Variants in AMZ2 observed in about 807,000 individuals in gnomAD.
AMZ2 encodes the protein archaemetzincin-2.
A neutral mutation model predicts 36.7 loss-of-function variants in AMZ2; 26 were observed. That is an observed-to-expected ratio of 0.71 (90% CI 0.52 to 0.98). The LOEUF (loss-of-function observed/expected upper bound fraction) is 0.98, where lower values mean the gene tolerates loss of function less well. AMZ2 is among the 50% of genes least tolerant of loss of function. AMZ2 has a pLI of 0.00. For synonymous variants in AMZ2, 144 were observed against 149.1 expected (o/e 0.97, Z 0.25); for missense variants, 394 against 430.5 (o/e 0.92, Z 0.75).
At chr17:68,208,434 C>T (rs1371461754) in intron 1 of AMZ2, among the ~76,000 whole-genome samples, 1 of 152,204 alleles carries the variant, frequency 6.6e-6, no homozygotes, top group Non-Finnish European at 1.5e-5. Context: ...CAATCTGTAT[C>T]TAGCTAATCT....
chr17:68,220,060 C>T (rs564928346), intron 1 of AMZ2, among the ~76,000 whole-genome samples: 1 of 152,250 alleles, frequency 6.6e-6, no homozygotes, highest in South Asian at 2.1e-4. Context: ...AGTTTTATAG[C>T]ATATGAATTA....
intron 1 of AMZ2, among the ~76,000 whole-genome samples, chr17:68,234,429 CAAAA>C (rs879946228): frequency 7.4e-6 from 1 of 134,616 alleles, no homozygotes; most frequent in South Asian, 2.3e-4. Context: ...GACCTTGTCT[CAAAA>C]AAAAAAAAAT....
intron 1 of AMZ2, among the ~76,000 whole-genome samples, chr17:68,211,734 ATATG>A (rs1458121218): frequency 2.7e-4 from 29 of 109,154 alleles, no homozygotes; most frequent in African/African-American, 9.5e-4. Flanking sequence ...GTATATGTAT[ATATG>A]TGTATATGTA....
chr17:68,237,151 C>A (rs1447750926), intron 1 of AMZ2, among the ~76,000 whole-genome samples: 1 of 152,098 alleles, frequency 6.6e-6, no homozygotes, highest in African/African-American at 2.4e-5. Flanking sequence ...GATGAGCCAT[C>A]CTTATACATG....
chr17:68,224,190 G>C (rs2073449933), intron 1 of AMZ2, among the ~76,000 whole-genome samples: 1 of 152,226 alleles, frequency 6.6e-6, no homozygotes, highest in Admixed American at 6.5e-5. Context: ...TGATCTGCCA[G>C]CCTCAGCCTC....
At chr17:68,207,626 AGAG>A (rs1363350299) in intron 1 of AMZ2, 2 of 152,252 alleles carry the variant, frequency 1.3e-5, no homozygotes, top group Admixed American at 1.3e-4. Context: ...CTGGAGAAGT[AGAG>A]TAGTATTATC....
chr17:68,247,553 C>A, upstream of AMZ2: 1 of 891,484 alleles, frequency 1.1e-6, no homozygotes, highest in Non-Finnish European at 1.3e-6. Context: ...CTTCTGGGTT[C>A]CAGCCCCCGC....
At chr17:68,247,729 A>T, upstream of AMZ2, 1 of 985,452 alleles carries the variant, frequency 1.0e-6, no homozygotes, top group Non-Finnish European at 1.2e-6. Flanking sequence ...GGACGTTCCC[A>T]CACGGGAGAC....
At position 68,221,209 on chromosome 17, in the gene AMZ2, TC is replaced by T. The variant is rs55937321; in HGVS notation, c.-67+14980del. ...TGATCTTCCTGCCTCAGCCCTCAGC[TC>T]CCCCCCCCGCCCCCCCGGTAGCTAG... On this transcript the variant is annotated intron_variant, in intron 1 of 7. Coordinates refer to the AMZ2 transcript ENST00000674770. 1.6e-4 allele frequency among the ~76,000 whole-genome samples: 11 copies of T among 66,774 alleles called. 2 individuals are homozygous for T. The highest frequency in any genetic ancestry group is 3.4e-4 in the African/African-American group (5 of 14,768). 43.8% of individuals were successfully genotyped at this position (66,774 alleles called of 152,430 possible).
Position 68,248,117 on chromosome 17 carries a change from G to A in AMZ2, c.-589G>A. ...TGGTATCGAGGCCTGTCGGGTCAGG[G>A]CGGTTCGCGGGTGCTGTCAGAGCTG... On this transcript the variant is annotated 5_prime_UTR_variant, in exon 1 of 7. Transcript: ENST00000359904. 1 of 986,562 alleles carries A rather than the reference G, an allele frequency of 1.0e-6. No individual in the cohort carries two copies. The highest frequency in any genetic ancestry group is 1.2e-6 in the Non-Finnish European group (1 of 830,698). 61.1% of individuals were successfully genotyped at this position (986,562 alleles called of 1,614,324 possible).
At chr17:68,210,183 C>A in intron 1 of AMZ2, among the ~76,000 whole-genome samples, 1 of 152,026 alleles carries the variant, frequency 6.6e-6, no homozygotes, top group East Asian at 1.9e-4. Context: ...TCTATTCATA[C>A]ATATATAGTC....
At chr17:68,248,806 A>G (rs1313705794) in intron 1 of AMZ2, 101 bp downstream of exon 1, 67 of 978,232 alleles carry the variant, frequency 6.8e-5, no homozygotes, top group Non-Finnish European at 7.9e-5. Flanking sequence ...CTATGCTTAT[A>G]TCAGAGCTTT....
At chr17:68,236,902 T>C (rs2073803148) in intron 1 of AMZ2, among the ~76,000 whole-genome samples, 2 of 152,260 alleles carry the variant, frequency 1.3e-5, no homozygotes, top group Admixed American at 1.3e-4. Context: ...TTTACACACA[T>C]ATACACCCAT....
rs61739674 is a variant in AMZ2 at position 68,251,051 on chromosome 17, G to A, written c.459G>A (p.Gly153=). The stretch of plus-strand genomic sequence containing the variant: ...ATTTATGTATTTCTTTTTAAATAGG[G>A]GACATCCTGAAGTTCTTGAAAAAGA... ...ENTHNLQIHA[G]DILKFLKKKK... Residue 153 remains glycine (G), a splice_region_variant and synonymous_variant, in exon 4 of 7, where the codon GGG becomes GGA. Coordinates refer to ENST00000359904, the MANE Select transcript of AMZ2 (RefSeq NM_016627.5). 84 of 1,608,840 alleles carry A rather than the reference G, an allele frequency of 5.2e-5. No homozygotes were observed. In the African/African-American group the frequency reaches 8.3e-4, roughly 16 times the overall value.
intron 1 of AMZ2, among the ~76,000 whole-genome samples, chr17:68,214,472 CCTTT>C (rs1172552236): frequency 1.3e-5 from 2 of 152,242 alleles, no homozygotes; most frequent in South Asian, 2.1e-4. Flanking sequence ...CTGTACAGTA[CCTTT>C]CTTCACAACT....
At chr17:68,224,353 C>T (rs1299216296) in intron 1 of AMZ2, among the ~76,000 whole-genome samples, 1 of 152,154 alleles carries the variant, frequency 6.6e-6, no homozygotes, top group African/African-American at 2.4e-5. Context: ...ATGGGCTTTA[C>T]CATAAGAGGG....
rs150969127 is a variant in AMZ2 at position 68,253,996 on chromosome 17, C to T, written c.587-408C>T. On this transcript the variant is annotated intron_variant, in intron 4 of 6. Coordinates refer to ENST00000359904, the MANE Select transcript of AMZ2 (RefSeq NM_016627.5). ...CTGACATCAGGTGATCCACCTGCCT[C>T]GGCCTCCCAAAGTCCTAGGATTACA... 1.7e-3 allele frequency among the ~76,000 whole-genome samples: 255 copies of T among 152,252 alleles called. 1 individual carries two copies. Among genetic ancestry groups the T allele is most frequent in the Middle Eastern group, 3.4e-3 (1 of 294 alleles).
chr17:68,242,461 G>A (rs2073921342), intron 1 of AMZ2, among the ~76,000 whole-genome samples: 1 of 151,940 alleles, frequency 6.6e-6, no homozygotes, highest in South Asian at 2.1e-4. Context: ...GACACAGAGC[G>A]AGGGCAGTGG....
At chr17:68,231,068 C>T (rs1199245031) in intron 1 of AMZ2, among the ~76,000 whole-genome samples, 5 of 146,552 alleles carry the variant, frequency 3.4e-5, no homozygotes, top group African/African-American at 5.1e-5. Context: ...TTTTTAATTT[C>T]TTTTTTTTTT....
Sources: allele counts gnomAD v4.1 joint callset (sites outside exome capture counted in the v4.1 genomes callset), GRCh38; gene constraint gnomAD v4.1.1; transcripts MANE v1.5; gene names NCBI Gene and HGNC (gene_info 2026-07-23, HGNC 2026-07-21).